Variants in PDE4D observed in about 807,000 individuals in gnomAD.
PDE4D encodes the protein 3',5'-cyclic-AMP phosphodiesterase 4D.
PDE4D carries 24 observed loss-of-function variants against 87.4 expected under a neutral mutation model. The ratio of observed to expected loss-of-function variants is 0.27; its 90% CI spans 0.20 to 0.39. The LOEUF (loss-of-function observed/expected upper bound fraction) is 0.39. PDE4D is among the 10% of genes least tolerant of loss of function. The probability of loss-of-function intolerance (pLI) is 1.00; values close to 1 mark genes in which losing one functional copy is unlikely to be tolerated. For synonymous variants in PDE4D, 384 were observed against 383.2 expected, an observed-to-expected ratio of 1.00 and a Z score of -0.02; for missense variants, 714 against 1,041.0, an observed-to-expected ratio of 0.69 and a Z score of 4.32.
At chr5:59,118,313 C>G (rs962636051) in intron 5 of PDE4D, among the ~76,000 whole-genome samples, 2 of 152,174 alleles carry the variant, frequency 1.3e-5, no homozygotes, top group African/African-American at 4.8e-5. Flanking sequence ...CTTTAACAGG[C>G]CTTTCAACAC....
chr5:59,066,808 A>T (rs182403572), intron 5 of PDE4D, among the ~76,000 whole-genome samples: 4 of 151,990 alleles, frequency 2.6e-5, no homozygotes, highest in Non-Finnish European at 5.9e-5. Context: ...CTTATAAAGG[A>T]GGCCCAAGAG....
intron 1 of PDE4D, among the ~76,000 whole-genome samples, chr5:60,352,666 G>T (rs541180007): frequency 6.6e-6 from 1 of 152,318 alleles, no homozygotes; most frequent in African/African-American, 2.4e-5. Flanking sequence ...CTGCATTTCT[G>T]CCTGCTCTTG....
intron 1 of PDE4D, among the ~76,000 whole-genome samples, chr5:59,600,518 T>C (rs1171507918): frequency 2.6e-5 from 4 of 152,186 alleles, no homozygotes; most frequent in Admixed American, 1.3e-4. Flanking sequence ...ACAGTACATT[T>C]TCCTCATTTG....
Position 59,053,661 on chromosome 5 carries a change from GTT to G in PDE4D, c.809-14692_809-14691del, listed in dbSNP as rs1223091433. ...TTGTTTTTTGTTTTTTTTTGTTGTT[GTT>G]TTTTTTTTTTGGCCAGGCACGGTCG... is the stretch of plus-strand genomic sequence containing the variant. On this transcript the variant is annotated intron_variant, in intron 5 of 14. Coordinates refer to ENST00000340635, the MANE Select transcript of PDE4D (RefSeq NM_001104631.2). 4.5e-5 allele frequency among the ~76,000 whole-genome samples: 4 copies of G among 89,818 alleles called. 1 individual carries two copies. The highest frequency in any genetic ancestry group is 2.8e-4 in the East Asian group (1 of 3,554). 58.9% of individuals were successfully genotyped at this position (89,818 alleles called of 152,430 possible).
At chr5:59,233,520 G>A (rs1009354799) in intron 1 of PDE4D, among the ~76,000 whole-genome samples, 2 of 152,114 alleles carry the variant, frequency 1.3e-5, no homozygotes, top group African/African-American at 4.8e-5. Flanking sequence ...GGATGAGTTG[G>A]TTCAGACTGG....
intron 1 of PDE4D, among the ~76,000 whole-genome samples, chr5:60,186,147 T>C (rs771760130): frequency 2.0e-5 from 3 of 152,154 alleles, no homozygotes; most frequent in Non-Finnish European, 2.9e-5. Context: ...TCATTGCGTC[T>C]TGTTTCACTG....
intron 1 of PDE4D, among the ~76,000 whole-genome samples, chr5:59,794,694 C>G (rs753595166): frequency 1.3e-5 from 2 of 152,068 alleles, no homozygotes; most frequent in Admixed American, 6.5e-5. Context: ...ATAAAACAAA[C>G]AAAACATAGT....
intron 1 of PDE4D, among the ~76,000 whole-genome samples, chr5:59,866,169 G>GT (rs1386859607): frequency 1.3e-5 from 2 of 152,146 alleles, no homozygotes; most frequent in African/African-American, 4.8e-5. Context: ...ACAACTGTAT[G>GT]TTGACAGAAA....
intron 3 of PDE4D, among the ~76,000 whole-genome samples, chr5:59,936,834 A>C (rs1328883900): frequency 6.6e-6 from 1 of 152,238 alleles, no homozygotes; most frequent in East Asian, 1.9e-4. Flanking sequence ...TGCACAATGC[A>C]TGTATCTTTT....
At chr5:58,979,967 C>T (rs1055818735) in intron 11 of PDE4D, among the ~76,000 whole-genome samples, 2 of 152,156 alleles carry the variant, frequency 1.3e-5, no homozygotes, top group Non-Finnish European at 2.9e-5. Context: ...TTCAAACTTA[C>T]AAAGTACAAA....
intron 1 of PDE4D, among the ~76,000 whole-genome samples, chr5:59,278,886 G>A (rs1028151802): frequency 2.0e-5 from 3 of 152,202 alleles, no homozygotes; most frequent in Middle Eastern, 3.4e-3. Context: ...TAGATTGTGC[G>A]CACCTAAAAT....
chr5:59,598,474 C>T (rs1827018374), intron 1 of PDE4D, among the ~76,000 whole-genome samples: 1 of 152,162 alleles, frequency 6.6e-6, no homozygotes, highest in Non-Finnish European at 1.5e-5. Flanking sequence ...GAAAATGCTA[C>T]AGGAAGCAGG....
At position 60,117,672 on chromosome 5, in the gene PDE4D, C is replaced by A. The variant is rs187783479; in HGVS notation, c.42+67885G>T. Among the ~76,000 whole-genome samples, 33 of 152,198 alleles carry A rather than the reference C, an allele frequency of 2.2e-4. No homozygotes were observed. The East Asian group carries it at 6.2e-3, about 29-fold the overall frequency. Reference sequence around the variant, plus strand: ...TCATCAATCATCACCTTACTCCTCGCCATCTTGAATAGTTACTATTCTTTC... The same window carrying A: ...TCATCAATCATCACCTTACTCCTCGACATCTTGAATAGTTACTATTCTTTC... On this transcript the variant is annotated intron_variant, in intron 2 of 16. Transcript: ENST00000502484.
At chr5:60,002,505 T>C (rs1236106579) in intron 2 of PDE4D, among the ~76,000 whole-genome samples, 1 of 151,998 alleles carries the variant, frequency 6.6e-6, no homozygotes. Flanking sequence ...TGAACATAAA[T>C]GCAAAAGTCC....
At chr5:59,152,676 C>G (rs191894285) in intron 5 of PDE4D, among the ~76,000 whole-genome samples, 1 of 151,680 alleles carries the variant, frequency 6.6e-6, no homozygotes, top group Non-Finnish European at 1.5e-5. Context: ...CTAAATTGAC[C>G]GGTTATTTTG....
At chr5:60,359,678 A>C (rs927241913) in intron 1 of PDE4D, among the ~76,000 whole-genome samples, 1 of 152,212 alleles carries the variant, frequency 6.6e-6, no homozygotes, top group Non-Finnish European at 1.5e-5. Context: ...CTTTCAGTAA[A>C]ACACATCTTA....
chr5:59,126,263 C>A (rs556483352), intron 5 of PDE4D, among the ~76,000 whole-genome samples: 1 of 152,098 alleles, frequency 6.6e-6, no homozygotes, highest in Non-Finnish European at 1.5e-5. Context: ...ATAGCCAATA[C>A]GACCCAAGTT....
At chr5:59,443,221 C>T (rs1028927231) in intron 1 of PDE4D, among the ~76,000 whole-genome samples, 1 of 152,062 alleles carries the variant, frequency 6.6e-6, no homozygotes, top group Non-Finnish European at 1.5e-5. Flanking sequence ...GTTTACACAA[C>T]GACTCTTTTG....
intron 1 of PDE4D, among the ~76,000 whole-genome samples, chr5:59,327,355 C>T (rs1226298585): frequency 6.6e-6 from 1 of 152,032 alleles, no homozygotes; most frequent in Non-Finnish European, 1.5e-5. Flanking sequence ...CCAATTTTAG[C>T]TGCCTTGGCC....
Sources: allele counts gnomAD v4.1 joint callset (sites outside exome capture counted in the v4.1 genomes callset), GRCh38; gene constraint gnomAD v4.1.1; transcripts MANE v1.5; gene names NCBI Gene and HGNC (gene_info 2026-07-23, HGNC 2026-07-21).